Variants in ENDOU observed in about 807,000 individuals in gnomAD.
ENDOU encodes the protein endonuclease, poly(U) specific.
Under a neutral mutation model 54.2 loss-of-function variants are expected in ENDOU, and 49 were observed. That is an observed-to-expected ratio of 0.90 (90% CI 0.72 to 1.15). The LOEUF (loss-of-function observed/expected upper bound fraction) is 1.15, where lower values mean the gene tolerates loss of function less well. ENDOU is among the 50% of genes most tolerant of loss of function. The pLI is 0.00. For missense variants in ENDOU, 458 were observed against 511.4 expected (o/e 0.90, Z 1.01); for synonymous variants, 172 against 190.5 (o/e 0.90, Z 0.80).
At chr12:47,711,900 A>G (rs1217038910) in intron 8 of ENDOU, 125 bp from the exon 9 acceptor site, 1 of 1,049,788 alleles carries the variant, frequency 9.5e-7, no homozygotes, top group South Asian at 1.5e-5. Context: ...TGAACCTTCC[A>G]GGGAGACTGG....
rs1940260636 is a variant in ENDOU, at chr12:47,716,880, G to A, written c.551+10C>T. On this transcript the variant is annotated intron_variant, in intron 5 of 9. Coordinates refer to ENST00000422538, the MANE Select transcript of ENDOU (RefSeq NM_001172439.2). Reference sequence around the variant, plus strand: ...TTTAGGGGGTAGAAAGAGGAATTGTGGGAACTCACGGCTTTGGGCAGCGAT... The same window carrying A: ...TTTAGGGGGTAGAAAGAGGAATTGTAGGAACTCACGGCTTTGGGCAGCGAT... The A allele has an allele frequency of 6.2e-7, 1 of 1,613,734 alleles. No individual in the cohort carries two copies. Among genetic ancestry groups the A allele is most frequent in the Non-Finnish European group, 8.5e-7 (1 of 1,179,836 alleles).
At chr12:47,715,963 G>C (rs757432403) in intron 6 of ENDOU, among the ~76,000 whole-genome samples, 1 of 152,140 alleles carries the variant, frequency 6.6e-6, no homozygotes, top group African/African-American at 2.4e-5. Flanking sequence ...TGGCTGAGAC[G>C]TGCTCTGGGT....
At chr12:47,712,712 C>T (rs1940075556) in intron 7 of ENDOU, 90 bp from the exon 8 acceptor site, 1 of 924,080 alleles carries the variant, frequency 1.1e-6, no homozygotes, top group Admixed American at 2.1e-5. Flanking sequence ...AAGGCTTCCC[C>T]CTTCTCCAGT....
intron 9 of ENDOU, among the ~76,000 whole-genome samples, chr12:47,711,361 A>G (rs1419528744): frequency 6.6e-6 from 1 of 151,992 alleles, no homozygotes; most frequent in Non-Finnish European, 1.5e-5. Flanking sequence ...CTCTAGGACA[A>G]CTCCATTTCT....
intron 1 of ENDOU, among the ~76,000 whole-genome samples, chr12:47,723,806 A>T (rs751798589): frequency 2.2e-4 from 34 of 151,960 alleles, no homozygotes; most frequent in Non-Finnish European, 4.3e-4. Context: ...AAGAAGCCTC[A>T]CCCCTTGGAC....
intron 8 of ENDOU, 44 bp from the exon 9 acceptor site, chr12:47,711,819 G>T (rs562080641): frequency 4.9e-5 from 79 of 1,610,204 alleles, no homozygotes; most frequent in Non-Finnish European, 6.2e-5. Context: ...GAGTGCCACA[G>T]AGTGGAGTAG....
rs1427227172 is a variant in ENDOU, at chr12:47,710,802, T to G, written c.1233A>C (p.Ter411TyrextTer1). 1 of 1,609,684 alleles carries G rather than the reference T, an allele frequency of 6.2e-7. No homozygotes were observed. The highest frequency in any genetic ancestry group is 1.3e-5 in the African/African-American group (1 of 74,982). ...TGCCCCTTTCTGGCTCGAAGTTCTA[T>G]TAGGTGGAAGACACTATGTAGGCTG... The part of the protein sequence containing the change: ...IATAYIVSST[*>Y] Residue 411 changes from the stop codon to tyrosine, a stop_lost, in exon 10 of 10, where the codon TAA becomes TAC. Transcript: ENST00000422538.
At chr12:47,714,670 A>G (rs1452761298) in intron 6 of ENDOU, among the ~76,000 whole-genome samples, 1 of 152,242 alleles carries the variant, frequency 6.6e-6, no homozygotes, top group Non-Finnish European at 1.5e-5. Flanking sequence ...GCCATTTATG[A>G]AATGGGGAAG....
intron 1 of ENDOU, among the ~76,000 whole-genome samples, chr12:47,725,063 T>A (rs1940543172): frequency 6.6e-6 from 1 of 151,922 alleles, no homozygotes; most frequent in African/African-American, 2.4e-5. Flanking sequence ...CTTGGGGAGA[T>A]CAAAAGTCAG....
At chr12:47,713,526 A>G in intron 6 of ENDOU, 138 bp from the exon 7 acceptor site, 2 of 638,586 alleles carry the variant, frequency 3.1e-6, no homozygotes, top group Non-Finnish European at 5.6e-6. Context: ...TTCGGCTGTT[A>G]ATTCAATGAT....
chr12:47,716,213 C>G, intron 6 of ENDOU, 87 bp downstream of exon 6: 1 of 1,311,630 alleles, frequency 7.6e-7, no homozygotes, highest in South Asian at 1.2e-5. Context: ...CGCCTCCTCA[C>G]CTGCCCTCCT....
chr12:47,712,435 G>C, intron 8 of ENDOU, 81 bp downstream of exon 8: 1 of 1,084,396 alleles, frequency 9.2e-7, no homozygotes, highest in Non-Finnish European at 1.4e-6. Context: ...GTCAGGCTGA[G>C]AGGCAAGTCG....
At chr12:47,713,235 C>T (rs1940099903) in intron 7 of ENDOU, 40 bp downstream of exon 7, 1 of 1,382,532 alleles carries the variant, frequency 7.2e-7, no homozygotes, top group Non-Finnish European at 1.0e-6. Context: ...CATTCCTCTT[C>T]ATCCCTCCAA....
At chr12:47,717,977 GCTT>G in intron 3 of ENDOU, 149 bp downstream of exon 3, 1 of 726,580 alleles carries the variant, frequency 1.4e-6, no homozygotes, top group Non-Finnish European at 2.2e-6. Context: ...GCCCCCCCAG[GCTT>G]CTTCCTGCCC....
chr12:47,724,626 C>T (rs1180125331), intron 1 of ENDOU, among the ~76,000 whole-genome samples: 2 of 152,078 alleles, frequency 1.3e-5, no homozygotes, highest in African/African-American at 4.8e-5. Flanking sequence ...CAGCTCAGCC[C>T]CTCCCTTGGC....
chr12:47,711,675 A>C lies in ENDOU; in HGVS notation c.1073T>G (p.Phe358Cys), dbSNP rs1242629659. ...AFIGSSPEFEFALYSLCFIAR... is the reference protein window; with the variant it reads ...AFIGSSPEFECALYSLCFIAR... ...GATGAAGCACAGGGAGTAGAGTGCA[A>C]ACTCAAACTCAGGGCTGCTGCCGAT... Residue 358 changes from phenylalanine (F) to cysteine (C), a missense_variant, in exon 9 of 10, where the codon TTT (phenylalanine) becomes TGT (cysteine). By Grantham distance (205) the Phe-to-Cys change is radical. Transcript: ENST00000422538. The C allele has an allele frequency of 1.2e-6, 2 of 1,614,078 alleles. No individual in the cohort carries two copies. Among genetic ancestry groups the C allele is most frequent in the Admixed American group, 1.7e-5 (1 of 60,012 alleles).
intron 7 of ENDOU, 38 bp from the exon 8 acceptor site, chr12:47,712,660 T>C: frequency 6.8e-7 from 1 of 1,465,668 alleles, no homozygotes; most frequent in South Asian, 1.2e-5. Context: ...TCTGGGCTCC[T>C]TCCCCACCCT....
At chr12:47,718,239 C>G (rs1050544798) in intron 2 of ENDOU, 45 bp from the exon 3 acceptor site, 1 of 1,507,258 alleles carries the variant, frequency 6.6e-7, no homozygotes. Context: ...CCTGAGAATT[C>G]CCCTGCTGCT....
Position 47,712,513 on chromosome 12 carries a change from C to T in ENDOU, c.972+3G>A. The T allele has an allele frequency of 3.1e-6, 5 of 1,603,714 alleles. No individual in the cohort carries two copies. Among genetic ancestry groups the T allele is most frequent in the Non-Finnish European group, 4.3e-6 (5 of 1,170,558 alleles). On this transcript the variant is annotated splice_donor_region_variant and intron_variant, in intron 8 of 9. Transcript: ENST00000422538. ...ACAAGGCTTTTCTAGTCCGTGTACT[C>T]ACAGGCCCATCGTAGATGTGACTGT... is the stretch of plus-strand genomic sequence containing the variant.
Sources: gnomAD v4.1 joint callset for allele counts (sites outside exome capture counted in the v4.1 genomes callset) on GRCh38, gnomAD v4.1.1 for gene constraint, MANE v1.5 for transcripts, NCBI Gene and HGNC (gene_info 2026-07-23, HGNC 2026-07-21) for gene names.